The following PCNX2 variants were observed in gnomAD, a reference collection of about 807,000 sequenced individuals.
PCNX2 encodes the protein pecanex-like protein 2.
Under a neutral mutation model 223.8 loss-of-function variants are expected in PCNX2, and 168 were observed. The observed-to-expected ratio is 0.75, with a 90% CI of 0.66 to 0.85. The LOEUF (loss-of-function observed/expected upper bound fraction) is 0.85. PCNX2 is among the 40% of genes least tolerant of loss of function. PCNX2 has a pLI of 0.00. For synonymous variants in PCNX2, 1,006 were observed against 1,052.6 expected, an observed-to-expected ratio of 0.96 and a Z score of 0.86; for missense variants, 2,507 against 2,675.5, an observed-to-expected ratio of 0.94 and a Z score of 1.39.
At chr1:233,194,294 T>C (rs1298187859) in intron 15 of PCNX2, among the ~76,000 whole-genome samples, 1 of 151,936 alleles carries the variant, frequency 6.6e-6, no homozygotes, top group Non-Finnish European at 1.5e-5. Flanking sequence ...TCTGTACCAG[T>C]GAAGATATCC....
Position 232,999,219 on chromosome 1 carries a change from T to C in PCNX2, c.5489A>G (p.Tyr1830Cys), listed in dbSNP as rs1230940890. 3.7e-6 allele frequency: 6 copies of C among 1,613,762 alleles called. No homozygotes were observed. The highest frequency in any genetic ancestry group is 5.1e-6 in the Non-Finnish European group (6 of 1,179,856). ...GTAGGATGTGGTTAGTGGGGAGACATACATGGGGTACCCCAGGGGCTGATC... is the reference window on the plus strand; with the variant it reads ...GTAGGATGTGGTTAGTGGGGAGACACACATGGGGTACCCCAGGGGCTGATC... ...SCDQPLGYPMYVSPLTTSYLG... is the reference protein window; with the variant it reads ...SCDQPLGYPMCVSPLTTSYLG... Residue 1830 changes from tyrosine to cysteine, a missense_variant, in exon 31 of 34, where the codon TAT becomes TGT. Physicochemically the swap from Tyr to Cys is radical, Grantham distance 194. Coordinates refer to ENST00000258229, the MANE Select transcript of PCNX2 (RefSeq NM_014801.4).
intron 19 of PCNX2, among the ~76,000 whole-genome samples, chr1:233,158,476 G>T (rs906325215): frequency 6.6e-6 from 1 of 152,116 alleles, no homozygotes; most frequent in Non-Finnish European, 1.5e-5. Flanking sequence ...AAAGGTATAG[G>T]TATAGATAAA....
intron 25 of PCNX2, chr1:233,047,492 G>T: frequency 2.7e-6 from 2 of 746,520 alleles, no homozygotes; most frequent in South Asian, 1.2e-4. Context: ...AGCTCTAAAA[G>T]ATTTTACCTT....
chr1:233,258,560 G>C lies in PCNX2; in HGVS notation c.1302C>G (p.Asp434Glu), dbSNP rs1482691126. 1.2e-6 allele frequency: 2 copies of C among 1,613,794 alleles called. No homozygotes were observed. The highest frequency in any genetic ancestry group is 1.7e-6 in the Non-Finnish European group (2 of 1,179,878). ...EQISIPVITL[D>E]LPEGGGGGVP... ...CACCTCCTCCCCCACCCTCAGGCAG[G>C]TCCAGGGTGATTACAGGAATTGAGA... The change falls in exon 5 of 34, where the codon GAC (aspartate) becomes GAG (glutamate). Residue 434 changes from aspartate (D) to glutamate (E), a missense_variant. Asp to Glu is a conservative substitution (Grantham distance 45). Coordinates refer to ENST00000258229, the MANE Select transcript of PCNX2 (RefSeq NM_014801.4).
In PCNX2 at chr1:233,199,021, C is replaced by A; in HGVS notation, c.2984G>T (p.Gly995Val). Residue 995 changes from glycine to valine, a missense_variant, in exon 15 of 34, where the codon GGG (glycine) becomes GTG (valine). Physicochemically the swap from Gly to Val is moderately radical, Grantham distance 109. Around this residue, in one of 3 missense-constraint regions of PCNX2, gnomAD observed 1,372 missense variants for 1,509.4 expected, o/e 0.91. Coordinates refer to ENST00000258229, the MANE Select transcript of PCNX2 (RefSeq NM_014801.4). ...MLFFGGSAVS[G>V]ITSAVYSVAR... The stretch of plus-strand genomic sequence containing the variant: ...CACACTGTAAACAGCCGAGGTTATC[C>A]CAGACACAGCTGGAACACAAACATC... 5.0e-6 allele frequency: 8 copies of A among 1,590,266 alleles called. No homozygotes were observed. The highest frequency in any genetic ancestry group is 6.8e-6 in the Non-Finnish European group (8 of 1,168,924).
intron 28 of PCNX2, among the ~76,000 whole-genome samples, chr1:233,003,573 C>A (rs1036805842): frequency 3.3e-5 from 5 of 152,146 alleles, no homozygotes; most frequent in African/African-American, 9.7e-5. Context: ...ATTAGTTCAA[C>A]CATTGTGGAA....
chr1:233,272,399 A>T (rs998224657), intron 1 of PCNX2, among the ~76,000 whole-genome samples: 4 of 152,222 alleles, frequency 2.6e-5, no homozygotes, highest in African/African-American at 9.6e-5. Flanking sequence ...AAAATGCTCA[A>T]CATCGCTAAT....
At chr1:233,311,610 A>T in the PCNX2 span, among the ~76,000 whole-genome samples, 1 of 152,378 alleles carries the variant, frequency 6.6e-6, no homozygotes, top group South Asian at 2.1e-4. Context: ...CAATAGAAAT[A>T]AATGAATTTT....
At chr1:233,235,556 A>G (rs1245555476) in intron 9 of PCNX2, among the ~76,000 whole-genome samples, 1 of 152,138 alleles carries the variant, frequency 6.6e-6, no homozygotes, top group Non-Finnish European at 1.5e-5. Flanking sequence ...TTTTCTTTGC[A>G]CAGCTGGGTA....
At chr1:233,151,605 G>A (rs1677811863) in intron 19 of PCNX2, among the ~76,000 whole-genome samples, 1 of 152,198 alleles carries the variant, frequency 6.6e-6, no homozygotes, top group Admixed American at 6.5e-5. Flanking sequence ...GTGGCTTGCT[G>A]GAGAGCTGGA....
chr1:233,280,735 T>C (rs1424658779), intron 1 of PCNX2, among the ~76,000 whole-genome samples: 1 of 152,224 alleles, frequency 6.6e-6, no homozygotes, highest in Non-Finnish European at 1.5e-5. Flanking sequence ...GTCAAAAATA[T>C]TGGTCAATAA....
intron 17 of PCNX2, among the ~76,000 whole-genome samples, chr1:233,173,260 G>C (rs1308309885): frequency 6.6e-6 from 1 of 151,584 alleles, no homozygotes; most frequent in South Asian, 2.1e-4. Flanking sequence ...TCCACCTCCC[G>C]GGTTCAAGTG....
intron 28 of PCNX2, among the ~76,000 whole-genome samples, chr1:233,005,166 G>A (rs910402244): frequency 6.6e-6 from 1 of 152,198 alleles, no homozygotes; most frequent in Admixed American, 6.5e-5. Flanking sequence ...AAATGGGTGG[G>A]ATTTATTCAG....
intron 24 of PCNX2, among the ~76,000 whole-genome samples, chr1:233,055,953 T>C (rs992102973): frequency 3.3e-4 from 51 of 152,326 alleles, no homozygotes; most frequent in African/African-American, 1.2e-3. Context: ...CTAAGAAATC[T>C]ACAGAATAAC....
the PCNX2 span, among the ~76,000 whole-genome samples, chr1:233,310,034 A>G: frequency 3.9e-5 from 6 of 152,222 alleles, no homozygotes; most frequent in African/African-American, 7.2e-5. Flanking sequence ...GTGTATGTCA[A>G]CTATGAACTC....
intron 9 of PCNX2, among the ~76,000 whole-genome samples, chr1:233,228,297 T>C (rs931661080): frequency 1.3e-5 from 2 of 152,202 alleles, no homozygotes; most frequent in African/African-American, 4.8e-5. Context: ...AAGCCTTCTC[T>C]AGATACCCCA....
intron 9 of PCNX2, among the ~76,000 whole-genome samples, chr1:233,232,585 A>C (rs564505222): frequency 6.6e-6 from 1 of 152,358 alleles, no homozygotes; most frequent in African/African-American, 2.4e-5. Context: ...CTTTCAAATA[A>C]ATGAATATGT....
intron 1 of PCNX2, chr1:233,292,072 T>A: frequency 1.1e-6 from 1 of 926,096 alleles, no homozygotes; most frequent in Non-Finnish European, 1.3e-6. Flanking sequence ...ATCACCCAGA[T>A]CTAAGTACAT....
At chr1:233,266,334 C>G (rs527981010) in intron 1 of PCNX2, among the ~76,000 whole-genome samples, 2 of 152,120 alleles carry the variant, frequency 1.3e-5, no homozygotes, top group African/African-American at 4.8e-5. Flanking sequence ...ATAGAGAGAC[C>G]CTGTCTTATT....
Sources: allele counts gnomAD v4.1 joint callset (sites outside exome capture counted in the v4.1 genomes callset), GRCh38; gene constraint gnomAD v4.1.1; regional missense constraint gnomAD v4.1.1; transcripts MANE v1.5; gene names NCBI Gene and HGNC (gene_info 2026-07-23, HGNC 2026-07-21).